The following NALCN variants were observed in gnomAD, a reference collection of about 807,000 sequenced individuals.
NALCN encodes sodium leak channel, non-selective, also known as sodium leak channel NALCN.
NALCN carries 111 observed loss-of-function variants against 225.3 expected under a neutral mutation model. The observed-to-expected ratio is 0.49, with a 90% CI of 0.42 to 0.58. The LOEUF (loss-of-function observed/expected upper bound fraction) is 0.58. Among genes scored for constraint, NALCN ranks in the 20% least tolerant of loss-of-function variants. The pLI, the probability that NALCN is intolerant of heterozygous loss-of-function variation, is 0.00. For synonymous variants in NALCN, 764 were observed against 769.0 expected (o/e 0.99, Z 0.11); for missense variants, 1,378 against 2,202.4 (o/e 0.63, Z 7.49).
chr13:101,363,732 T>A (rs1365097143), intron 6 of NALCN, among the ~76,000 whole-genome samples: 2 of 151,822 alleles, frequency 1.3e-5, no homozygotes, highest in African/African-American at 4.8e-5. Flanking sequence ...AATAGATAAA[T>A]GGAATTGCAT....
chr13:101,149,658 T>C (rs140609051), intron 15 of NALCN, among the ~76,000 whole-genome samples: 1 of 152,348 alleles, frequency 6.6e-6, no homozygotes, highest in East Asian at 1.9e-4. Context: ...TCTTCACGAT[T>C]GTGCAAACCT....
Position 101,081,630 on chromosome 13 carries a change from A to G in NALCN, c.3782T>C (p.Ile1261Thr), listed in dbSNP as rs778868425. 11 of 1,614,168 alleles carry G rather than the reference A, an allele frequency of 6.8e-6. No homozygotes were observed. The highest frequency in any genetic ancestry group is 3.3e-4 in the Middle Eastern group (2 of 6,062). ...CCAGAAGCCAGCAGGCGACATTGCT[A>G]TGATCTTCATGGTAACCTGGAGAAA... Reference protein sequence around the residue: ...IFVLEVTMKIIAMSPAGFWQS... With the variant: ...IFVLEVTMKITAMSPAGFWQS... Residue 1261 changes from isoleucine (I) to threonine (T), a missense_variant, in exon 34 of 44, where the codon ATA (isoleucine) becomes ACA (threonine). Around this residue, in one of 19 missense-constraint regions of NALCN, gnomAD observed 98 missense variants for 156.6 expected, o/e 0.63. Coordinates refer to ENST00000251127, the MANE Select transcript of NALCN (RefSeq NM_052867.4).
At position 101,347,934 on chromosome 13, in the gene NALCN, C is replaced by G. The variant is rs556632610; in HGVS notation, c.645-2514G>C. Among the ~76,000 whole-genome samples the G allele has an allele frequency of 7.2e-5, 11 of 152,050 alleles. No individual in the cohort carries two copies. In the South Asian group the frequency reaches 2.3e-3, roughly 32 times the overall value. Reference sequence around the variant, plus strand: ...TAAATCCCAGCATGTAAAAACAGAACAATAAAGACTTGTTAAAAGAGGAGA... The same window carrying G: ...TAAATCCCAGCATGTAAAAACAGAAGAATAAAGACTTGTTAAAAGAGGAGA... On this transcript the variant is annotated intron_variant, in intron 6 of 43. Coordinates refer to ENST00000251127, the MANE Select transcript of NALCN (RefSeq NM_052867.4).
intron 11 of NALCN, among the ~76,000 whole-genome samples, chr13:101,247,167 A>C (rs1332082352): frequency 1.3e-5 from 2 of 152,184 alleles, no homozygotes; most frequent in African/African-American, 2.4e-5. Flanking sequence ...AAAGACAGGG[A>C]CTAGAATGGG....
chr13:101,390,643 G>A (rs1489580829), intron 3 of NALCN, among the ~76,000 whole-genome samples: 2 of 151,940 alleles, frequency 1.3e-5, no homozygotes, highest in Non-Finnish European at 2.9e-5. Flanking sequence ...CCGTATTCAG[G>A]AGAAAAGAGC....
rs575295851 is a variant in NALCN at position 101,206,507 on chromosome 13, C to CGT, written c.1627-14455_1627-14454dup. On this transcript the variant is annotated intron_variant, in intron 13 of 43. Coordinates refer to ENST00000251127, the MANE Select transcript of NALCN (RefSeq NM_052867.4). ...TTATTGTAAATATAACTAGCATGTC[C>CGT]GTGTGTGTGTGTATTTTCTTTCTTT... Among the ~76,000 whole-genome samples, 1,103 of 151,590 alleles carry CGT rather than the reference C, an allele frequency of 7.3e-3. 10 individuals carry two copies. The highest frequency in any genetic ancestry group is 0.029 in the South Asian group (139 of 4,786).
chr13:101,055,101 TGAGCAATGA>T lies in NALCN; in HGVS notation c.*185_*193del. On this transcript the variant is annotated 3_prime_UTR_variant, in exon 44 of 44. Transcript: ENST00000251127. The stretch of plus-strand genomic sequence containing the variant: ...TACTGTCATTATACAAAAATTTTTT[TGAGCAATGA>T]TTGATAGTAACCCATCATACATGCA... 1.8e-6 allele frequency: 1 copy of T among 566,950 alleles called. No individual in the cohort carries two copies. The highest frequency in any genetic ancestry group is 3.1e-6 in the Non-Finnish European group (1 of 324,012). 35.1% of individuals were successfully genotyped at this position (566,950 alleles called of 1,614,324 possible).
chr13:101,288,050 A>T (rs894133533), intron 9 of NALCN, among the ~76,000 whole-genome samples: 2 of 152,214 alleles, frequency 1.3e-5, no homozygotes, highest in African/African-American at 4.8e-5. Flanking sequence ...TGGTTTTTCA[A>T]AAAATAGCTA....
intron 33 of NALCN, among the ~76,000 whole-genome samples, 176 bp downstream of exon 33, chr13:101,082,633 A>G (rs2033716851): frequency 1.3e-5 from 2 of 152,242 alleles, no homozygotes; most frequent in African/African-American, 4.8e-5. Context: ...AATCTGATGG[A>G]TAAAGTGATG....
At chr13:101,362,679 C>T (rs1025723876) in intron 6 of NALCN, among the ~76,000 whole-genome samples, 1 of 152,036 alleles carries the variant, frequency 6.6e-6, no homozygotes, top group Non-Finnish European at 1.5e-5. Flanking sequence ...AGATCTGGAA[C>T]AAGATCAGGA....
intron 7 of NALCN, among the ~76,000 whole-genome samples, chr13:101,311,908 T>A (rs1263183604): frequency 6.6e-6 from 1 of 152,058 alleles, no homozygotes; most frequent in Non-Finnish European, 1.5e-5. Flanking sequence ...TCTTTTTCTA[T>A]TGATTGGAAT....
At chr13:101,335,906 T>A (rs1419365996) in intron 7 of NALCN, among the ~76,000 whole-genome samples, 1 of 152,162 alleles carries the variant, frequency 6.6e-6, no homozygotes, top group Non-Finnish European at 1.5e-5. Flanking sequence ...TATGCTTTAA[T>A]ATCATTTAAC....
At chr13:101,351,520 C>A (rs1186703110) in intron 6 of NALCN, among the ~76,000 whole-genome samples, 1 of 152,112 alleles carries the variant, frequency 6.6e-6, no homozygotes, top group Non-Finnish European at 1.5e-5. Context: ...ACCTCAGAGT[C>A]CTGTGGTTTT....
chr13:101,282,690 C>T (rs557509106), intron 10 of NALCN, among the ~76,000 whole-genome samples: 3 of 152,234 alleles, frequency 2.0e-5, no homozygotes, highest in Admixed American at 1.3e-4. Context: ...TGAATATATG[C>T]GGTGATGGGT....
intron 7 of NALCN, among the ~76,000 whole-genome samples, chr13:101,301,712 C>T (rs1447443646): frequency 7.0e-6 from 1 of 142,240 alleles, no homozygotes; most frequent in South Asian, 2.4e-4. Flanking sequence ...CAGAGCAAGA[C>T]TCTGTCTCAA....
chr13:101,390,326 G>A (rs114112290), intron 3 of NALCN, among the ~76,000 whole-genome samples: 1 of 151,998 alleles, frequency 6.6e-6, no homozygotes, highest in Non-Finnish European at 1.5e-5. Context: ...AATGAAAAAA[G>A]TATTTGAGAA....
intron 30 of NALCN, among the ~76,000 whole-genome samples, chr13:101,088,579 G>C (rs1357622727): frequency 6.6e-6 from 1 of 152,204 alleles, no homozygotes; most frequent in African/African-American, 2.4e-5. Flanking sequence ...CCGTGCATTT[G>C]AGAGTTGTGA....
intron 13 of NALCN, among the ~76,000 whole-genome samples, chr13:101,216,149 A>G (rs538523390): frequency 1.3e-5 from 2 of 152,288 alleles, no homozygotes; most frequent in East Asian, 3.9e-4. Context: ...TATATGCAAT[A>G]TAATATGTAG....
intron 6 of NALCN, among the ~76,000 whole-genome samples, chr13:101,347,370 C>A (rs531089932): frequency 3.0e-4 from 45 of 152,166 alleles, no homozygotes; most frequent in African/African-American, 1.1e-3. Context: ...CCTTTGGACC[C>A]CATCTGTAAA....
Sources: allele counts gnomAD v4.1 joint callset (sites outside exome capture counted in the v4.1 genomes callset), GRCh38; gene constraint gnomAD v4.1.1; regional missense constraint gnomAD v4.1.1; transcripts MANE v1.5; gene names NCBI Gene and HGNC (gene_info 2026-07-23, HGNC 2026-07-21).